Variants in RNF123 observed in about 807,000 individuals in gnomAD.
RNF123 encodes E3 ubiquitin-protein ligase RNF123.
In RNF123, 86 loss-of-function variants were observed where a neutral mutation model predicts 168.5. The observed-to-expected ratio is 0.51, with a 90% CI of 0.43 to 0.61. RNF123 has a LOEUF of 0.61. Ranked by LOEUF, RNF123 falls within the 20% of genes least tolerant of loss-of-function variation. The pLI is 0.00. For missense variants in RNF123, 1,419 were observed against 1,729.7 expected (o/e 0.82, Z 3.19); for synonymous variants, 666 against 689.1 (o/e 0.97, Z 0.52).
At chr3:49,704,074 G>T (rs1178838709) in intron 21 of RNF123, among the ~76,000 whole-genome samples, 1 of 152,224 alleles carries the variant, frequency 6.6e-6, no homozygotes. Flanking sequence ...TGTGGATGGG[G>T]TGCCATCAGG....
intron 15 of RNF123, among the ~76,000 whole-genome samples, chr3:49,700,929 G>A (rs1267469581): frequency 1.3e-5 from 2 of 152,248 alleles, no homozygotes; most frequent in Admixed American, 6.5e-5. Context: ...CTGCAGACTC[G>A]GGCTACGCAG....
chr3:49,719,355 T>C, intron 35 of RNF123: 1 of 1,613,444 alleles, frequency 6.2e-7, no homozygotes. Context: ...CGCAGATACA[T>C]TTGTAGGGGC....
At chr3:49,717,743 G>T in intron 35 of RNF123, 1 of 630,250 alleles carries the variant, frequency 1.6e-6, no homozygotes. Flanking sequence ...TGGGTCCTGT[G>T]CAGGGGCAGA....
chr3:49,707,974 T>TTTTTG (rs745893375), intron 26 of RNF123, among the ~76,000 whole-genome samples: 10 of 152,112 alleles, frequency 6.6e-5, no homozygotes, highest in East Asian at 1.9e-4. Context: ...AGCTGTGTTT[T>TTTTTG]TTTTGTTTTG....
Position 49,700,286 on chromosome 3 carries a change from G to T in RNF123, c.1044G>T (p.Lys348Asn), listed in dbSNP as rs1184447402. ...GCTTCTTGCTGGGCATCGTGGAGAA[G>T]GGCACACCCACACAGGCACAGTCCG... ...LMSFLLGIVE[K>N]GTPTQAQSVV... Residue 348 changes from lysine to asparagine, a missense_variant, in exon 13 of 39, where the codon AAG becomes AAT. By Grantham distance (94) the Lys-to-Asn change is moderately conservative. Coordinates refer to ENST00000327697, the MANE Select transcript of RNF123 (RefSeq NM_022064.5). 3.1e-6 allele frequency: 5 copies of T among 1,614,220 alleles called. No homozygotes were observed. The highest frequency in any genetic ancestry group is 3.4e-6 in the Non-Finnish European group (4 of 1,180,024).
At chr3:49,697,829 T>C in intron 5 of RNF123, 56 bp from the exon 6 acceptor site, 1 of 1,607,292 alleles carries the variant, frequency 6.2e-7, no homozygotes, top group South Asian at 1.1e-5. Flanking sequence ...CTTTTTCCCT[T>C]GGGGAGATGC....
chr3:49,717,837 C>T (rs2080278006), intron 35 of RNF123: 1 of 1,185,010 alleles, frequency 8.4e-7, no homozygotes, highest in Non-Finnish European at 1.2e-6. Flanking sequence ...ATACAGGAAG[C>T]TGGGGGGCCA....
intron 3 of RNF123, among the ~76,000 whole-genome samples, chr3:49,695,923 G>T (rs2054258699): frequency 6.6e-6 from 1 of 152,208 alleles, no homozygotes; most frequent in African/African-American, 2.4e-5. Flanking sequence ...CACCCAGACA[G>T]ATTTTTCCCA....
chr3:49,706,180 C>A, intron 25 of RNF123, 115 bp downstream of exon 25: 2 of 896,206 alleles, frequency 2.2e-6, no homozygotes, highest in South Asian at 1.4e-5. Flanking sequence ...CTAGCCCTGG[C>A]CATAGCACGC....
intron 22 of RNF123, 85 bp downstream of exon 22, chr3:49,704,841 C>T (rs545253750): frequency 1.6e-5 from 23 of 1,412,700 alleles, no homozygotes; most frequent in African/African-American, 4.3e-5. Context: ...GGCCACTTCC[C>T]GCTCCATGCA....
In RNF123 at chr3:49,698,825, G is replaced by A; in HGVS notation, c.638+3G>A. ...GATGGCACTCTGTCCTTCTGCCTGT[G>A]AGTTTCCTATCTCTATGCACAGGCC... On this transcript the variant is annotated splice_donor_region_variant and intron_variant, in intron 9 of 38. Transcript: ENST00000327697. The A allele has an allele frequency of 6.2e-7, 1 of 1,613,944 alleles. No homozygotes were observed. Among genetic ancestry groups the A allele is most frequent in the Non-Finnish European group, 8.5e-7 (1 of 1,179,944 alleles).
intron 33 of RNF123, 28 bp from the exon 34 acceptor site, chr3:49,716,074 C>T (rs1431447358): frequency 1.9e-6 from 3 of 1,613,590 alleles, no homozygotes; most frequent in Non-Finnish European, 2.5e-6. Flanking sequence ...GCTCCCCATC[C>T]ACCAATGGAC....
At position 49,703,464 on chromosome 3, in the gene RNF123, G is replaced by C. The variant is rs760286895; in HGVS notation, c.1788G>C (p.Lys596Asn). The change falls in exon 21 of 39, where the codon AAG (lysine) becomes AAC (asparagine). Residue 596 changes from lysine to asparagine, a missense_variant. Lys to Asn is a moderately conservative substitution (Grantham distance 94). Coordinates refer to ENST00000327697, the MANE Select transcript of RNF123 (RefSeq NM_022064.5). The part of the protein sequence containing the change: ...YIPPQVFYNG[K>N]VDYFDLQRLG... The stretch of plus-strand genomic sequence containing the variant: ...CGCCCCAGGTCTTCTATAATGGCAA[G>C]GTGGACTACTTTGACCTGCAGCGCC... 6.2e-7 allele frequency: 1 copy of C among 1,614,100 alleles called. No individual in the cohort carries two copies. The highest frequency in any genetic ancestry group is 8.5e-7 in the Non-Finnish European group (1 of 1,179,984).
In RNF123 at chr3:49,716,143, C is replaced by T. The variant is rs1201294627; in HGVS notation, c.3381C>T (p.Asn1127=). 64 of 1,613,594 alleles carry T rather than the reference C, an allele frequency of 4.0e-5. No homozygotes were observed. The highest frequency in any genetic ancestry group is 5.3e-5 in the Non-Finnish European group (62 of 1,179,934). ...TGAACCGGGTGACAGCTGAGAGGAA[C>T]CTGTTTGATCGTGTGGTCACCCTAC... ...QVLNRVTAER[N]LFDRVVTLRL... The change falls in exon 34 of 39, where the codon AAC becomes AAT. Residue 1127 remains asparagine (N), a synonymous_variant. Transcript: ENST00000327697.
At position 49,691,241 on chromosome 3, in the gene RNF123, G is replaced by T. The variant is rs1422623789; in HGVS notation, c.76G>T (p.Val26Phe). 4 of 1,613,820 alleles carry T rather than the reference G, an allele frequency of 2.5e-6. No individual in the cohort carries two copies. The Admixed American group carries it at 6.7e-5, about 27-fold the overall frequency. The stretch of plus-strand genomic sequence containing the variant: ...GACCTCAGATGCTGAGAAATCCAGG[G>T]TCACAGGTAAGAGCTGGCAGGGAAG... The part of the protein sequence containing the change: ...RLTSDAEKSR[V>F]TGIVQEKLLN... The change falls in exon 2 of 39, where the codon GTC becomes TTC. Residue 26 changes from valine (V) to phenylalanine (F), a missense_variant. This residue lies in a region of RNF123 where 318 missense variants were observed against 446.6 expected (regional missense o/e 0.71). Coordinates refer to ENST00000327697, the MANE Select transcript of RNF123 (RefSeq NM_022064.5).
chr3:49,710,088 G>A (rs917315087), intron 26 of RNF123, among the ~76,000 whole-genome samples: 7 of 151,658 alleles, frequency 4.6e-5, no homozygotes, highest in East Asian at 3.9e-4. Flanking sequence ...CTCCTGCCTC[G>A]GCCTCCCAAA....
chr3:49,711,066 A>T (rs990636539), intron 26 of RNF123, among the ~76,000 whole-genome samples: 2 of 152,164 alleles, frequency 1.3e-5, no homozygotes, highest in African/African-American at 4.8e-5. Flanking sequence ...TACAAAAAAA[A>T]CAAAATTTAA....
chr3:49,692,080 C>A (rs1404332851), intron 3 of RNF123, among the ~76,000 whole-genome samples: 1 of 152,144 alleles, frequency 6.6e-6, no homozygotes, highest in Non-Finnish European at 1.5e-5. Context: ...CCCATCTCTA[C>A]AATAAAATAC....
chr3:49,712,535 C>T lies in RNF123; in HGVS notation c.2553C>T (p.His851=), dbSNP rs770060614. ...GCGTCTGCCTGCGGACCATTGAGCA[C>T]GGTGATCGCACAGGGTCTCTCTTTG... The part of the protein sequence containing the change: ...LLRVCLRTIE[H]GDRTGSLFAF... The change falls in exon 27 of 39, where the codon CAC becomes CAT. Residue 851 remains histidine (H), a synonymous_variant. Transcript: ENST00000327697. 114 of 1,614,102 alleles carry T rather than the reference C, an allele frequency of 7.1e-5. No homozygotes were observed. Among genetic ancestry groups the T allele is most frequent in the Non-Finnish European group, 8.9e-5 (105 of 1,180,052 alleles).
Sources: gnomAD v4.1 joint callset for allele counts (sites outside exome capture counted in the v4.1 genomes callset) on GRCh38, gnomAD v4.1.1 for gene constraint, gnomAD v4.1.1 regional missense constraint, MANE v1.5 for transcripts, NCBI Gene and HGNC (gene_info 2026-07-23, HGNC 2026-07-21) for gene names.